DOCK10: variants seen among roughly 807,000 people sequenced by gnomAD.
The protein encoded by DOCK10 is dedicator of cytokinesis protein 10.
A neutral mutation model predicts 280.1 loss-of-function variants in DOCK10; 145 were observed. The ratio of observed to expected loss-of-function variants is 0.52; its 90% CI spans 0.45 to 0.59. The LOEUF is 0.59. Among genes scored for constraint, DOCK10 ranks in the 20% least tolerant of loss-of-function variants. The probability of loss-of-function intolerance (pLI) is 0.00; values close to 1 mark genes in which losing one functional copy is unlikely to be tolerated. For synonymous variants in DOCK10, 915 were observed against 942.2 expected, an observed-to-expected ratio of 0.97 and a Z score of 0.53; for missense variants, 2,368 against 2,651.7, an observed-to-expected ratio of 0.89 and a Z score of 2.35.
chr2:224,870,941 C>T (rs1158365304), intron 11 of DOCK10, among the ~76,000 whole-genome samples: 1 of 149,860 alleles, frequency 6.7e-6, no homozygotes, highest in South Asian at 2.1e-4. Flanking sequence ...ATTCTTCTGC[C>T]TCAGCCTCCT....
intron 1 of DOCK10, among the ~76,000 whole-genome samples, chr2:225,037,187 A>G (rs546663928): frequency 1.3e-5 from 2 of 152,136 alleles, no homozygotes; most frequent in Non-Finnish European, 2.9e-5. Context: ...CTCTTTCACA[A>G]TTTTCTTAAG....
At chr2:224,979,114 T>C (rs1705613063) in intron 1 of DOCK10, among the ~76,000 whole-genome samples, 1 of 152,196 alleles carries the variant, frequency 6.6e-6, no homozygotes, top group Non-Finnish European at 1.5e-5. Context: ...GCTTTGACCC[T>C]TGACCCTCTA....
intron 14 of DOCK10, chr2:224,860,975 G>C (rs1463819579): frequency 6.6e-6 from 1 of 152,104 alleles, no homozygotes; most frequent in Non-Finnish European, 1.5e-5. Flanking sequence ...TGAAAAATGT[G>C]TGCACTATTG....
rs374295070 is a variant in DOCK10 at position 224,911,165 on chromosome 2, C to T, written c.333+5530G>A. Among the ~76,000 whole-genome samples the T allele has an allele frequency of 1.3e-4, 20 of 152,022 alleles. No homozygotes were observed. The East Asian group carries it at 3.1e-3, about 24-fold the overall frequency. Reference sequence around the variant, plus strand: ...TGGAGCAGTTCTTAGAGAAGTAAGACGCTGAGGTACAAGAGAGAAAAGAAG... The same window carrying T: ...TGGAGCAGTTCTTAGAGAAGTAAGATGCTGAGGTACAAGAGAGAAAAGAAG... On this transcript the variant is annotated intron_variant, in intron 3 of 55. Transcript: ENST00000258390.
chr2:225,034,640 C>T (rs1213846866), intron 1 of DOCK10, among the ~76,000 whole-genome samples: 1 of 152,146 alleles, frequency 6.6e-6, no homozygotes, highest in African/African-American at 2.4e-5. Context: ...AGAGGGACTC[C>T]ACCCCTCTTA....
intron 11 of DOCK10, among the ~76,000 whole-genome samples, chr2:224,865,449 T>A (rs1697844330): frequency 6.6e-6 from 1 of 152,232 alleles, no homozygotes; most frequent in African/African-American, 2.4e-5. Context: ...TGCACTGTGG[T>A]TGAACTTCAC....
At chr2:224,972,314 C>A (rs1705138494) in intron 1 of DOCK10, among the ~76,000 whole-genome samples, 1 of 152,242 alleles carries the variant, frequency 6.6e-6, no homozygotes, top group South Asian at 2.1e-4. Context: ...GCAAAGAAGG[C>A]CCTTGATTAC....
At position 224,876,118 on chromosome 2, in the gene DOCK10, G is replaced by A. The variant is rs777161810; in HGVS notation, c.851C>T (p.Thr284Ile). ...TESDMDEWIHTLNRILQISPE... is the reference protein window; with the variant it reads ...TESDMDEWIHILNRILQISPE... ...ACTGATTTGCAGAATGCGGTTGAGG[G>A]TGTGGATCCATTCATCCATATCTGA... is the stretch of plus-strand genomic sequence containing the variant. Residue 284 changes from threonine (T) to isoleucine (I), a missense_variant, in exon 8 of 56, where the codon ACC (threonine) becomes ATC (isoleucine). Coordinates refer to ENST00000258390, the MANE Select transcript of DOCK10 (RefSeq NM_014689.3). 2.6e-5 allele frequency: 42 copies of A among 1,613,840 alleles called. No homozygotes were observed. The South Asian group carries it at 4.1e-4, about 16-fold the overall frequency.
chr2:224,969,005 A>G (rs1559890921), intron 1 of DOCK10, among the ~76,000 whole-genome samples: 2 of 152,186 alleles, frequency 1.3e-5, no homozygotes, highest in African/African-American at 4.8e-5. Flanking sequence ...AATCCAGGAA[A>G]TAAGGAGGGC....
intron 1 of DOCK10, among the ~76,000 whole-genome samples, chr2:225,039,034 C>A (rs1016434346): frequency 1.3e-5 from 2 of 152,156 alleles, no homozygotes; most frequent in African/African-American, 4.8e-5. Flanking sequence ...GAAAAGTGCA[C>A]AAATCCTAAA....
intron 39 of DOCK10, among the ~76,000 whole-genome samples, chr2:224,802,610 G>C (rs1185188873): frequency 6.6e-6 from 1 of 152,104 alleles, no homozygotes; most frequent in Non-Finnish European, 1.5e-5. Context: ...CCAGGGCAAT[G>C]ACAATGGCCT....
intron 3 of DOCK10, among the ~76,000 whole-genome samples, chr2:224,914,070 T>C (rs1575048504): frequency 6.6e-6 from 1 of 152,208 alleles, no homozygotes; most frequent in South Asian, 2.1e-4. Context: ...AGATTCTTTT[T>C]TTCATCTGGA....
rs778846393 is a variant in DOCK10 at position 225,002,961 on chromosome 2, C to T, written c.123+39291G>A. Among the ~76,000 whole-genome samples the T allele has an allele frequency of 5.9e-5, 9 of 152,152 alleles. No individual in the cohort carries two copies. In the East Asian group the frequency reaches 1.5e-3, roughly 26 times the overall value. On this transcript the variant is annotated intron_variant, in intron 1 of 55. Transcript: ENST00000258390. ...CTGTCTTGGGGCAGACAGCAAGAACCGAGAAATGACCAGGGTAAATTCTGA... is the reference window on the plus strand; with the variant it reads ...CTGTCTTGGGGCAGACAGCAAGAACTGAGAAATGACCAGGGTAAATTCTGA...
At chr2:224,870,368 T>A (rs1698192858) in intron 11 of DOCK10, among the ~76,000 whole-genome samples, 1 of 152,214 alleles carries the variant, frequency 6.6e-6, no homozygotes, top group South Asian at 2.1e-4. Context: ...ATACAGGTAT[T>A]TCCAAATGGT....
At chr2:224,954,027 T>A (rs994722767) in intron 1 of DOCK10, among the ~76,000 whole-genome samples, 2 of 152,168 alleles carry the variant, frequency 1.3e-5, no homozygotes, top group African/African-American at 4.8e-5. Context: ...CATAAAATTA[T>A]CTTGATTGCA....
intron 3 of DOCK10, among the ~76,000 whole-genome samples, chr2:224,897,817 T>C (rs916984153): frequency 5.3e-5 from 8 of 152,242 alleles, no homozygotes; most frequent in Admixed American, 6.5e-5. Flanking sequence ...ATAATATTTA[T>C]GGATGGAAAT....
At position 224,997,213 on chromosome 2, in the gene DOCK10, CCCTCCCTT is replaced by C. The variant is rs1396441584; in HGVS notation, c.123+45031_123+45038del. Among the ~76,000 whole-genome samples the C allele has an allele frequency of 1.4e-4, 20 of 145,846 alleles. 1 individual carries two copies. The South Asian group carries it at 4.1e-3, about 30-fold the overall frequency. ...TTGTCCCTCCCTCCCTCCCTTCCCTCCCTCCCTTCCTTCCTTCCTTCCTTCCTTCTTCC... is the reference window on the plus strand; with the variant it reads ...TTGTCCCTCCCTCCCTCCCTTCCCTCCCTTCCTTCCTTCCTTCCTTCTTCC... On this transcript the variant is annotated intron_variant, in intron 1 of 55. Transcript: ENST00000258390.
chr2:224,905,802 C>A (rs1277273264), intron 3 of DOCK10, among the ~76,000 whole-genome samples: 1 of 152,152 alleles, frequency 6.6e-6, no homozygotes, highest in East Asian at 1.9e-4. Context: ...TCTCTGCCCA[C>A]TCCTTCTCCA....
At chr2:224,934,510 G>T (rs1702573734) in intron 1 of DOCK10, among the ~76,000 whole-genome samples, 3 of 152,336 alleles carry the variant, frequency 2.0e-5, no homozygotes, top group Admixed American at 2.0e-4. Context: ...CTGGGATTAG[G>T]CCAAAGTTGT....
Sources: gnomAD v4.1 joint callset for allele counts (sites outside exome capture counted in the v4.1 genomes callset) on GRCh38, gnomAD v4.1.1 for gene constraint, MANE v1.5 for transcripts, NCBI Gene and HGNC (gene_info 2026-07-23, HGNC 2026-07-21) for gene names.